The following USP33 variants were observed in gnomAD, a reference collection of about 807,000 sequenced individuals.
The protein encoded by USP33 is ubiquitin carboxyl-terminal hydrolase 33.
USP33 carries 46 observed loss-of-function variants against 124.2 expected under a neutral mutation model. The ratio of observed to expected loss-of-function variants is 0.37; its 90% CI spans 0.29 to 0.47. The LOEUF (loss-of-function observed/expected upper bound fraction) is 0.47, where lower values mean the gene tolerates loss of function less well. Among genes scored for constraint, USP33 ranks in the 20% least tolerant of loss-of-function variants. The probability of loss-of-function intolerance (pLI) is 0.99; values close to 1 mark genes in which losing one functional copy is unlikely to be tolerated. For synonymous variants in USP33, 350 were observed against 352.3 expected (o/e 0.99, Z 0.07); for missense variants, 851 against 1,070.6 (o/e 0.79, Z 2.86).
intron 1 of USP33, among the ~76,000 whole-genome samples, chr1:77,748,775 T>TTCCTCC (rs1557870928): frequency 5.5e-5 from 2 of 36,236 alleles, no homozygotes; most frequent in African/African-American, 3.1e-4. Flanking sequence ...CAGCATTCCT[T>TTCCTCC]CCCTCCCCCC....
intron 14 of USP33, 42 bp from the exon 15 acceptor site, chr1:77,721,247 C>A: frequency 6.2e-7 from 1 of 1,609,392 alleles, no homozygotes; most frequent in Non-Finnish European, 8.5e-7. Context: ...AAATTAACAG[C>A]AAATTGCTTA....
intron 17 of USP33, among the ~76,000 whole-genome samples, chr1:77,716,270 G>A (rs1272839689): frequency 6.6e-6 from 1 of 151,962 alleles, no homozygotes; most frequent in Non-Finnish European, 1.5e-5. Flanking sequence ...ATGTTGTCCA[G>A]GCTGTTCTCA....
intron 11 of USP33, among the ~76,000 whole-genome samples, 178 bp from the exon 12 acceptor site, chr1:77,723,621 TAAAAG>T (rs1676824955): frequency 6.6e-6 from 1 of 152,132 alleles, no homozygotes; most frequent in East Asian, 1.9e-4. Context: ...ATTAAAAAAA[TAAAAG>T]AAACTAAGCA....
At chr1:77,729,789 C>G in intron 9 of USP33, 71 bp downstream of exon 9, 1 of 1,471,408 alleles carries the variant, frequency 6.8e-7, no homozygotes, top group Non-Finnish European at 9.5e-7. Context: ...ATAAGTAGAC[C>G]CAAAAAAAAC....
chr1:77,708,196 A>G (rs899738359), intron 21 of USP33, among the ~76,000 whole-genome samples: 8 of 152,186 alleles, frequency 5.3e-5, no homozygotes, highest in Non-Finnish European at 1.0e-4. Context: ...ATGTATTCAT[A>G]TACTCCCTTC....
At chr1:77,730,086 G>C in intron 8 of USP33, 148 bp from the exon 9 acceptor site, 1 of 702,968 alleles carries the variant, frequency 1.4e-6, no homozygotes. Context: ...ATGTTTCACA[G>C]GCACATCAGA....
At chr1:77,739,197 T>G in intron 5 of USP33, 68 bp downstream of exon 5, 1 of 1,533,652 alleles carries the variant, frequency 6.5e-7, no homozygotes. Flanking sequence ...AAATTTCAGC[T>G]ACATGACAAA....
rs200772831 is a variant in USP33 at position 77,718,171 on chromosome 1, A to ATAT, written c.1738-125_1738-124insATA. ...AACTGAGGTGTTCAATCAAATTACAATTATGAAGTTATTTAGATTTTTATT... is the reference window on the plus strand; with the variant it reads ...AACTGAGGTGTTCAATCAAATTACAATATTTATGAAGTTATTTAGATTTTTATT... On this transcript the variant is annotated intron_variant, in intron 16 of 23. Coordinates refer to ENST00000370794, the MANE Select transcript of USP33 (RefSeq NM_201624.3). The ATAT allele has an allele frequency of 1.1e-4, 89 of 835,330 alleles. No homozygotes were observed. In the East Asian group the frequency reaches 2.3e-3, roughly 22 times the overall value. The allele number at this position is 835,330 out of a possible 1,614,324, so 51.7% of individuals were successfully genotyped here.
chr1:77,753,500 T>C (rs1680533173), intron 1 of USP33, among the ~76,000 whole-genome samples: 1 of 152,202 alleles, frequency 6.6e-6, no homozygotes, highest in South Asian at 2.1e-4. Context: ...CCAATCTTAA[T>C]GTTCGCATAA....
chr1:77,714,652 C>G lies in USP33; in HGVS notation c.2177G>C (p.Gly726Ala). ...LNKFKTFAEPGPISNNDFLCI... is the reference protein window; with the variant it reads ...LNKFKTFAEPAPISNNDFLCI... ...AAGAAAGTCATTATTTGAAATAGGGCCAGGTTCGGCAAAGGTCTTAAATTT... is the reference window on the plus strand; with the variant it reads ...AAGAAAGTCATTATTTGAAATAGGGGCAGGTTCGGCAAAGGTCTTAAATTT... Residue 726 changes from glycine to alanine, a missense_variant, in exon 19 of 24, where the codon GGC becomes GCC. This residue lies in a region of USP33 where 281 missense variants were observed against 425.0 expected (regional missense o/e 0.66). Transcript: ENST00000370794. The G allele has an allele frequency of 1.2e-6, 2 of 1,613,280 alleles. No individual in the cohort carries two copies. The highest frequency in any genetic ancestry group is 1.1e-5 in the South Asian group (1 of 91,034).
chr1:77,737,184 G>A (rs575897349), intron 5 of USP33, among the ~76,000 whole-genome samples: 4 of 152,212 alleles, frequency 2.6e-5, no homozygotes, highest in Admixed American at 6.5e-5. Context: ...AAACAGAGAA[G>A]GAAACTGAAT....
intron 21 of USP33, 160 bp downstream of exon 21, chr1:77,711,587 T>C (rs763209666): frequency 4.4e-6 from 5 of 1,141,140 alleles, no homozygotes; most frequent in Non-Finnish European, 6.0e-6. Context: ...TCAACAGAAC[T>C]GTAGTGAACT....
intron 21 of USP33, chr1:77,711,470 T>G (rs1015877633): frequency 8.1e-6 from 2 of 246,866 alleles, no homozygotes; most frequent in Non-Finnish European, 1.5e-5. Flanking sequence ...GAGGTTGCTG[T>G]GAGCCGAGAT....
intron 21 of USP33, among the ~76,000 whole-genome samples, chr1:77,705,079 T>C (rs1282508839): frequency 1.4e-5 from 2 of 141,144 alleles, no homozygotes; most frequent in African/African-American, 2.7e-5. Flanking sequence ...CCTATTTTTA[T>C]ATTCCAGTGT....
intron 9 of USP33, among the ~76,000 whole-genome samples, chr1:77,729,184 G>A (rs1047625941): frequency 1.3e-5 from 2 of 152,066 alleles, no homozygotes; most frequent in African/African-American, 4.8e-5. Flanking sequence ...GGGATTACAG[G>A]CATGAGCCAT....
At chr1:77,721,624 C>CT in intron 14 of USP33, 1 of 542,110 alleles carries the variant, frequency 1.8e-6, no homozygotes, top group Non-Finnish European at 3.2e-6. Context: ...TTGTCTTATA[C>CT]TACAGGAATT....
chr1:77,758,448 A>T (rs1681011883), intron 1 of USP33, among the ~76,000 whole-genome samples: 1 of 152,122 alleles, frequency 6.6e-6, no homozygotes, highest in Non-Finnish European at 1.5e-5. Flanking sequence ...TGCTGGGATT[A>T]CAGGCGTGAG....
chr1:77,701,280 T>G (rs1673983231), intron 22 of USP33, 89 bp downstream of exon 22: 1 of 861,282 alleles, frequency 1.2e-6, no homozygotes, highest in South Asian at 1.6e-5. Context: ...AATAGTGTAA[T>G]CCCAAGTGCA....
rs759168124 is a variant in USP33 at position 77,728,644 on chromosome 1, T to G, written c.786A>C (p.Glu262Asp). 60 of 1,614,108 alleles carry G rather than the reference T, an allele frequency of 3.7e-5. No homozygotes were observed. In the South Asian group the frequency reaches 6.0e-4, roughly 16 times the overall value. ...LHEELKEQVM[E>D]VEEDPQTITT... ...TTATGGTTTGCGGATCTTCTTCTAC[T>G]TCCATGACTTGCTCTTTCAATTCTT... is the stretch of plus-strand genomic sequence containing the variant. The change falls in exon 10 of 24, where the codon GAA becomes GAC. Residue 262 changes from glutamate (E) to aspartate (D), a missense_variant. Physicochemically the swap from Glu to Asp is conservative, Grantham distance 45. Around this residue, in one of 4 missense-constraint regions of USP33, gnomAD observed 207 missense variants for 200.9 expected, o/e 1.03. Transcript: ENST00000370794.
Sources: gnomAD v4.1 joint callset for allele counts (sites outside exome capture counted in the v4.1 genomes callset) on GRCh38, gnomAD v4.1.1 for gene constraint, gnomAD v4.1.1 regional missense constraint, MANE v1.5 for transcripts, NCBI Gene and HGNC (gene_info 2026-07-23, HGNC 2026-07-21) for gene names.